MITF: variants seen among roughly 807,000 people sequenced by gnomAD.
The protein encoded by MITF is microphthalmia-associated transcription factor.
A neutral mutation model predicts 60.5 loss-of-function variants in MITF; 17 were observed. The ratio of observed to expected loss-of-function variants is 0.28; its 90% CI spans 0.19 to 0.42. The LOEUF is 0.42. Ranked by LOEUF, MITF falls within the 10% of genes least tolerant of loss-of-function variation. MITF has a pLI of 1.00. For missense variants in MITF, 622 were observed against 683.5 expected, an observed-to-expected ratio of 0.91 and a Z score of 1.00; for synonymous variants, 260 against 248.5, an observed-to-expected ratio of 1.05 and a Z score of -0.43.
chr3:69,745,614 C>T (rs1703694396), intron 1 of MITF, among the ~76,000 whole-genome samples: 1 of 152,190 alleles, frequency 6.6e-6, no homozygotes, highest in Non-Finnish European at 1.5e-5. Context: ...TTCCGTTTGC[C>T]TTTTAAACTT....
At chr3:69,936,458 A>G in intron 2 of MITF, 1 of 562,134 alleles carries the variant, frequency 1.8e-6, no homozygotes, top group South Asian at 4.4e-5. Context: ...AGCCAGGGGG[A>G]AAAATTGATA....
In MITF at chr3:69,910,430, G is replaced by A. The variant is rs1273053595; in HGVS notation, c.355-27392G>A. Among the ~76,000 whole-genome samples, 3 of 152,292 alleles carry A rather than the reference G, an allele frequency of 2.0e-5. No homozygotes were observed. The East Asian group carries it at 5.8e-4, about 30-fold the overall frequency. On this transcript the variant is annotated intron_variant, in intron 2 of 9. Transcript: ENST00000352241. ...TAGTGGGACACTGCCTAGTGGAGCT[G>A]TGAGAAGAGGGCCACTATCCTCCAT... is the stretch of plus-strand genomic sequence containing the variant.
chr3:69,915,596 T>C (rs1232604901), intron 2 of MITF, among the ~76,000 whole-genome samples: 5 of 151,560 alleles, frequency 3.3e-5, no homozygotes, highest in African/African-American at 1.2e-4. Context: ...TATGTCAGAG[T>C]TTTTAATAGC....
rs570611580 is a variant in MITF, at chr3:69,867,429, A to G, written c.105-11705A>G. ...GGTCTTATAAAAGGTAGTTTTAAAA[A>G]TGATTTCTAACTTCTTGAGCTTCTA... On this transcript the variant is annotated intron_variant, in intron 1 of 9. Transcript: ENST00000352241. 8.5e-5 allele frequency among the ~76,000 whole-genome samples: 13 copies of G among 152,312 alleles called. No homozygotes were observed. The South Asian group carries it at 2.5e-3, about 29-fold the overall frequency.
intron 2 of MITF, among the ~76,000 whole-genome samples, chr3:69,912,348 GT>G (rs574743493): frequency 4.0e-5 from 6 of 151,830 alleles, no homozygotes; most frequent in African/African-American, 4.8e-5. Context: ...AATATTTTTG[GT>G]TTTTTTTCAT....
chr3:69,812,177 A>AC (rs2063111178), intron 1 of MITF, among the ~76,000 whole-genome samples: 1 of 152,182 alleles, frequency 6.6e-6, no homozygotes, highest in Non-Finnish European at 1.5e-5. Context: ...GGAAAGAATG[A>AC]AGACAGTAAG....
At chr3:69,804,748 G>T (rs1012833291) in intron 1 of MITF, among the ~76,000 whole-genome samples, 9 of 152,340 alleles carry the variant, frequency 5.9e-5, no homozygotes, top group Non-Finnish European at 7.3e-5. Context: ...TCCTGGAGGG[G>T]CAGAGACCAT....
At chr3:69,754,570 T>G (rs546388311) in intron 1 of MITF, among the ~76,000 whole-genome samples, 1 of 152,100 alleles carries the variant, frequency 6.6e-6, no homozygotes, top group African/African-American at 2.4e-5. Context: ...GCTGAAAAGA[T>G]GTCAGCATCA....
At chr3:69,863,130 T>C (rs1300720379) in intron 1 of MITF, among the ~76,000 whole-genome samples, 3 of 152,190 alleles carry the variant, frequency 2.0e-5, no homozygotes, top group African/African-American at 4.8e-5. Flanking sequence ...CATCAAGCCA[T>C]GGACTGTTTA....
chr3:69,858,124 T>G (rs1005319523), intron 1 of MITF, among the ~76,000 whole-genome samples: 1 of 152,118 alleles, frequency 6.6e-6, no homozygotes, highest in African/African-American at 2.4e-5. Context: ...ATGGTAATAT[T>G]CATTGGAATT....
chr3:69,837,241 A>G (rs2063554292), intron 1 of MITF, among the ~76,000 whole-genome samples: 1 of 152,194 alleles, frequency 6.6e-6, no homozygotes. Context: ...TAGAAGGGGA[A>G]TTTTTCAAGC....
At chr3:69,890,256 A>G (rs2064729518) in intron 2 of MITF, among the ~76,000 whole-genome samples, 1 of 152,174 alleles carries the variant, frequency 6.6e-6, no homozygotes, top group Non-Finnish European at 1.5e-5. Flanking sequence ...ACCCTTGGTA[A>G]CATGGCATTT....
intron 2 of MITF, among the ~76,000 whole-genome samples, chr3:69,882,731 A>G (rs138498965): frequency 2.0e-5 from 3 of 152,264 alleles, no homozygotes; most frequent in Non-Finnish European, 4.4e-5. Context: ...CTTATAGCTA[A>G]AGCATCACGG....
intron 7 of MITF, 101 bp from the exon 8 acceptor site, chr3:69,956,354 C>A: frequency 2.1e-6 from 2 of 933,602 alleles, no homozygotes; most frequent in South Asian, 1.3e-5. Context: ...TTTCCGTTGT[C>A]ATGACCTGGA....
At chr3:69,838,264 A>G (rs1575795759) in intron 1 of MITF, among the ~76,000 whole-genome samples, 1 of 152,242 alleles carries the variant, frequency 6.6e-6, no homozygotes, top group South Asian at 2.1e-4. Context: ...AAAAAGTTAT[A>G]CACAGAATAG....
At chr3:69,899,796 T>C (rs1289105443) in intron 2 of MITF, among the ~76,000 whole-genome samples, 2 of 152,198 alleles carry the variant, frequency 1.3e-5, no homozygotes, top group African/African-American at 4.8e-5. Flanking sequence ...CATGAATTTC[T>C]GGGTTAAACC....
intron 1 of MITF, among the ~76,000 whole-genome samples, chr3:69,830,679 G>A (rs980954109): frequency 6.6e-6 from 1 of 152,180 alleles, no homozygotes; most frequent in Non-Finnish European, 1.5e-5. Flanking sequence ...CCTGTCTGGT[G>A]TATAATGGGT....
intron 2 of MITF, chr3:69,936,880 G>T: frequency 2.8e-5 from 20 of 723,168 alleles, no homozygotes; most frequent in South Asian, 1.2e-4. Context: ...TTTTAATGCT[G>T]TTTATTATTT....
intron 5 of MITF, among the ~76,000 whole-genome samples, chr3:69,946,159 A>G (rs143222629): frequency 0.01 from 1,572 of 152,278 alleles, 20 homozygotes; most frequent in Non-Finnish European, 0.016. Flanking sequence ...ATTAAATCTT[A>G]TAAGACCCCT....
Sources: gnomAD v4.1 joint callset for allele counts (sites outside exome capture counted in the v4.1 genomes callset) on GRCh38, gnomAD v4.1.1 for gene constraint, MANE v1.5 for transcripts, NCBI Gene and HGNC (gene_info 2026-07-23, HGNC 2026-07-21) for gene names.